PTPRD: variants seen among roughly 807,000 people sequenced by gnomAD.
PTPRD encodes the protein receptor-type tyrosine-protein phosphatase delta.
A neutral mutation model predicts 214.5 loss-of-function variants in PTPRD; 34 were observed. The ratio of observed to expected loss-of-function variants is 0.16; its 90% CI spans 0.12 to 0.21. The LOEUF (loss-of-function observed/expected upper bound fraction) is 0.21, where lower values mean the gene tolerates loss of function less well. Among genes scored for constraint, PTPRD ranks in the 10% least tolerant of loss-of-function variants. The pLI, the probability that PTPRD is intolerant of heterozygous loss-of-function variation, is 1.00. For synonymous variants in PTPRD, 1,128 were observed against 845.7 expected (o/e 1.33, Z -5.79); for missense variants, 2,545 against 2,398.7 (o/e 1.06, Z -1.27).
chr9:10,099,241 A>T (rs2098527003), intron 3 of PTPRD, among the ~76,000 whole-genome samples: 1 of 151,758 alleles, frequency 6.6e-6, no homozygotes, highest in South Asian at 2.1e-4. Flanking sequence ...CAGAAAAACT[A>T]CATTAAGAGC....
intron 9 of PTPRD, among the ~76,000 whole-genome samples, chr9:9,195,658 T>C (rs567075439): frequency 6.6e-6 from 1 of 151,956 alleles, no homozygotes; most frequent in East Asian, 1.9e-4. Context: ...GAGTCTGTGG[T>C]ATTGTTGCTT....
chr9:8,604,807 G>C (rs929323517), intron 14 of PTPRD, among the ~76,000 whole-genome samples: 4 of 152,162 alleles, frequency 2.6e-5, no homozygotes, highest in African/African-American at 7.2e-5. Context: ...AAACGGGTAT[G>C]ATGATGCCAT....
At chr9:9,654,345 A>C (rs574028638) in intron 7 of PTPRD, among the ~76,000 whole-genome samples, 1 of 152,250 alleles carries the variant, frequency 6.6e-6, no homozygotes, top group South Asian at 2.1e-4. Flanking sequence ...ATAAGTAATG[A>C]TTTCAATATG....
chr9:8,948,907 T>A (rs918976957), intron 11 of PTPRD, among the ~76,000 whole-genome samples: 1 of 151,772 alleles, frequency 6.6e-6, no homozygotes, highest in African/African-American at 2.4e-5. Flanking sequence ...TTTTTCTCAG[T>A]CTGAACACGG....
intron 2 of PTPRD, among the ~76,000 whole-genome samples, chr9:10,345,339 C>A (rs2097052969): frequency 6.6e-6 from 1 of 151,920 alleles, no homozygotes; most frequent in South Asian, 2.1e-4. Flanking sequence ...CATAGGTATA[C>A]ACATGCCATC....
At chr9:9,743,780 G>A (rs539029621) in intron 6 of PTPRD, among the ~76,000 whole-genome samples, 2 of 90,062 alleles carry the variant, frequency 2.2e-5, no homozygotes, top group African/African-American at 9.1e-5. Flanking sequence ...AATTTATACT[G>A]ACTGTATAAA....
At chr9:10,193,943 G>T (rs1653244419) in intron 3 of PTPRD, among the ~76,000 whole-genome samples, 1 of 152,066 alleles carries the variant, frequency 6.6e-6, no homozygotes, top group Non-Finnish European at 1.5e-5. Context: ...CTGTTAAAGT[G>T]ATCAACTATT....
At chr9:10,344,169 A>G (rs1397988238) in intron 2 of PTPRD, among the ~76,000 whole-genome samples, 3 of 151,438 alleles carry the variant, frequency 2.0e-5, no homozygotes. Context: ...TAGGTCTTAC[A>G]TTTAAGTCTT....
chr9:9,682,564 G>A (rs1489125109), intron 7 of PTPRD, among the ~76,000 whole-genome samples: 1 of 151,674 alleles, frequency 6.6e-6, no homozygotes, highest in East Asian at 1.9e-4. Context: ...GAGGAATGTT[G>A]GGGAAAGAAA....
intron 4 of PTPRD, among the ~76,000 whole-genome samples, chr9:10,016,859 C>A (rs970508998): frequency 7.2e-5 from 11 of 152,026 alleles, no homozygotes; most frequent in Non-Finnish European, 1.6e-4. Context: ...GAGACAGGGT[C>A]TCGCTATGTT....
At position 9,618,905 on chromosome 9, in the gene PTPRD, G is replaced by T. The variant is rs541376057; in HGVS notation, c.-286-44124C>A. On this transcript the variant is annotated intron_variant, in intron 7 of 45. Transcript: ENST00000381196. ...ACTGCCACTTAAGTCGCAAACAAAG[G>T]AAAAAAAACCTCTGAAGGTAGTTGA... Among the ~76,000 whole-genome samples the T allele has an allele frequency of 1.1e-4, 16 of 151,470 alleles. No individual in the cohort carries two copies. The South Asian group carries it at 2.9e-3, about 28-fold the overall frequency.
intron 39 of PTPRD, among the ~76,000 whole-genome samples, chr9:8,373,642 TGTGTGTGTGTGTG>T (rs2082212393): frequency 6.7e-6 from 1 of 150,140 alleles, no homozygotes; most frequent in African/African-American, 2.5e-5. Context: ...TGTGTGTGTG[TGTGTGTGTGTGTG>T]TATTTTCTCA....
At chr9:9,450,946 T>TACACAC (rs1386137342) in intron 8 of PTPRD, among the ~76,000 whole-genome samples, 12 of 52,122 alleles carry the variant, frequency 2.3e-4, no homozygotes, top group East Asian at 1.0e-3. Context: ...AATACATACA[T>TACACAC]ACATACACAC....
chr9:9,896,210 C>T (rs910462612), intron 5 of PTPRD, among the ~76,000 whole-genome samples: 1 of 151,998 alleles, frequency 6.6e-6, no homozygotes, highest in African/African-American at 2.4e-5. Context: ...AAAGCACATA[C>T]ATAAAATATG....
chr9:8,325,955 TAAG>T lies in PTPRD; in HGVS notation c.5534+5624_5534+5626del, dbSNP rs530384085. On this transcript the variant is annotated intron_variant, in intron 44 of 45. Coordinates refer to ENST00000381196, the MANE Select transcript of PTPRD (RefSeq NM_002839.4). ...ACTTTCCTGAAGTTGCTTATCAGCTTAAGGAGATTTTGGGATGAGATGATGGGG... is the reference window on the plus strand; with the variant it reads ...ACTTTCCTGAAGTTGCTTATCAGCTTGAGATTTTGGGATGAGATGATGGGG... Among the ~76,000 whole-genome samples the T allele has an allele frequency of 2.2e-3, 333 of 152,322 alleles. 6 individuals carry two copies. Among genetic ancestry groups the T allele is most frequent in the Middle Eastern group, 0.014 (4 of 294 alleles).
At chr9:9,137,303 C>T (rs1019759688) in intron 10 of PTPRD, among the ~76,000 whole-genome samples, 2 of 152,110 alleles carry the variant, frequency 1.3e-5, no homozygotes, top group Non-Finnish European at 2.9e-5. Context: ...TTGTTTTAAA[C>T]CAGGTGTGAC....
At chr9:10,270,990 T>C (rs2094386761) in intron 3 of PTPRD, among the ~76,000 whole-genome samples, 2 of 151,972 alleles carry the variant, frequency 1.3e-5, no homozygotes, top group Admixed American at 6.6e-5. Context: ...GTGCAGCTAA[T>C]AGAAAAGAAA....
chr9:8,657,275 C>T lies in PTPRD; in HGVS notation c.65-20431G>A, dbSNP rs538216835. 1.2e-3 allele frequency among the ~76,000 whole-genome samples: 185 copies of T among 149,238 alleles called. 2 individuals carry two copies. The highest frequency in any genetic ancestry group is 4.4e-3 in the African/African-American group (179 of 40,492). On this transcript the variant is annotated intron_variant, in intron 12 of 45. Transcript: ENST00000381196. ...CTCTGCCTCCCGGGTTCAAGTGATT[C>T]TCTTGCCTCAGCCTCCTGAGTAGCT...
At chr9:9,816,382 G>A (rs184245831) in intron 5 of PTPRD, among the ~76,000 whole-genome samples, 12 of 151,918 alleles carry the variant, frequency 7.9e-5, no homozygotes, top group East Asian at 1.9e-4. Context: ...CCACATTATC[G>A]ATTTAATAAA....
Sources: gnomAD v4.1 joint callset for allele counts (sites outside exome capture counted in the v4.1 genomes callset) on GRCh38, gnomAD v4.1.1 for gene constraint, MANE v1.5 for transcripts, NCBI Gene and HGNC (gene_info 2026-07-23, HGNC 2026-07-21) for gene names.